The following DRC9 variants were observed in gnomAD, a reference collection of about 807,000 sequenced individuals.
The protein encoded by DRC9 is dynein regulatory complex protein 9.
the DRC9 span, chr3:197,953,888 TTC>T: frequency 1.0e-6 from 1 of 954,312 alleles, no homozygotes; most frequent in Non-Finnish European, 1.7e-6. Flanking sequence ...CATTTAAAGT[TTC>T]TCAGGTGATG....
chr3:197,938,548 C>T, the DRC9 span: 3 of 1,605,424 alleles, frequency 1.9e-6, no homozygotes, highest in Admixed American at 3.3e-5. Flanking sequence ...CCTTCCTTAC[C>T]TATCAATCTG....
At chr3:197,934,852 G>T in the DRC9 span, among the ~76,000 whole-genome samples, 1 of 149,204 alleles carries the variant, frequency 6.7e-6, no homozygotes. Flanking sequence ...GGTCATGGTG[G>T]CACGTGCCTG....
At chr3:197,920,861 CTGAG>C in the DRC9 span, among the ~76,000 whole-genome samples, 1 of 152,050 alleles carries the variant, frequency 6.6e-6, no homozygotes, top group Non-Finnish European at 1.5e-5. Flanking sequence ...TTTCTTTTTG[CTGAG>C]TATCTAAGGC....
At chr3:197,929,270 C>T in the DRC9 span, among the ~76,000 whole-genome samples, 1 of 152,210 alleles carries the variant, frequency 6.6e-6, no homozygotes, top group East Asian at 1.9e-4. The surrounding 1 kb of genome is among the most constrained non-coding windows in gnomAD (Gnocchi z 4.6). Flanking sequence ...TTCACTGCTC[C>T]TCACCCCTCC....
At chr3:197,922,298 A>T in the DRC9 span, among the ~76,000 whole-genome samples, 6 of 152,222 alleles carry the variant, frequency 3.9e-5, no homozygotes, top group African/African-American at 1.4e-4. Flanking sequence ...GCTGTTAGGA[A>T]AATTCTACCA....
At chr3:197,921,990 G>A in the DRC9 span, among the ~76,000 whole-genome samples, 2 of 138,046 alleles carry the variant, frequency 1.4e-5, no homozygotes, top group South Asian at 2.2e-4. Context: ...TAACTCTGGC[G>A]ATTTAACTTG....
chr3:197,924,720 A>C, the DRC9 span, among the ~76,000 whole-genome samples: 4 of 152,088 alleles, frequency 2.6e-5, no homozygotes, highest in African/African-American at 9.7e-5. Context: ...GGGTTTCAGC[A>C]TGTTGGCCAG....
chr3:197,945,718 TA>T, the DRC9 span: 34,313 of 838,778 alleles, frequency 0.041, 895 homozygotes, highest in African/African-American at 0.096. Context: ...GAGATTAGTT[TA>T]TGGGCGTCTT....
At chr3:197,951,182 C>T in the DRC9 span, 3 of 1,613,998 alleles carry the variant, frequency 1.9e-6, no homozygotes, top group African/African-American at 1.3e-5. Context: ...GCCATTTTTG[C>T]TGGCTATAAG....
the DRC9 span, among the ~76,000 whole-genome samples, chr3:197,896,006 T>C: frequency 7.6e-6 from 1 of 131,482 alleles, no homozygotes; most frequent in Non-Finnish European, 1.6e-5. Context: ...AAGTAATTAC[T>C]GCAACTGGGA....
At chr3:197,889,674 A>G in the DRC9 span, 16 of 1,613,984 alleles carry the variant, frequency 9.9e-6, no homozygotes, top group Non-Finnish European at 1.3e-5. Flanking sequence ...GAAACCACCA[A>G]TTTCTCTCCG....
the DRC9 span, among the ~76,000 whole-genome samples, chr3:197,946,665 T>C: frequency 3.3e-5 from 5 of 152,154 alleles, no homozygotes; most frequent in Admixed American, 6.6e-5. Context: ...GGTGCAAATA[T>C]GACTCTTGCA....
chr3:197,929,631 C>T, the DRC9 span, among the ~76,000 whole-genome samples: 12 of 152,026 alleles, frequency 7.9e-5, no homozygotes, highest in Non-Finnish European at 1.5e-4. The surrounding 1 kb of genome is among the most constrained non-coding windows in gnomAD (Gnocchi z 4.6). Flanking sequence ...AAAAAATTAG[C>T]TGGGCATAGT....
chr3:197,951,250 G>T, the DRC9 span: 1 of 1,614,122 alleles, frequency 6.2e-7, no homozygotes, highest in Non-Finnish European at 8.5e-7. Flanking sequence ...AGGTGTTTAC[G>T]CCCGAGATGA....
At chr3:197,930,750 A>AG in the DRC9 span, among the ~76,000 whole-genome samples, 33 of 150,092 alleles carry the variant, frequency 2.2e-4, no homozygotes, top group African/African-American at 6.9e-4. Flanking sequence ...AAAAAAAAAA[A>AG]AAAGAAAGAA....
At chr3:197,936,985 G>A in the DRC9 span, among the ~76,000 whole-genome samples, 1 of 152,212 alleles carries the variant, frequency 6.6e-6, no homozygotes, top group African/African-American at 2.4e-5. Context: ...TCTGTAAAGA[G>A]GCACGTAGTA....
the DRC9 span, among the ~76,000 whole-genome samples, chr3:197,920,228 A>G: frequency 1.5e-4 from 23 of 152,014 alleles, no homozygotes; most frequent in African/African-American, 5.3e-4. Context: ...ATAAAATAAA[A>G]TAAATTAACA....
chr3:197,892,607 G>A, the DRC9 span: 3 of 1,613,664 alleles, frequency 1.9e-6, no homozygotes, highest in African/African-American at 4.0e-5. Flanking sequence ...TCCTCAGTGA[G>A]CGCCCTAATT....
At chr3:197,944,074 A>G in the DRC9 span, 18 of 1,596,458 alleles carry the variant, frequency 1.1e-5, no homozygotes, top group Admixed American at 1.8e-5. Flanking sequence ...TAAAGAAAAA[A>G]TAAGTCAGCA....
Sources: gnomAD v4.1 joint callset for allele counts (sites outside exome capture counted in the v4.1 genomes callset) on GRCh38, gnomAD v4.1.1 for gene constraint, Gnocchi (gnomAD v3.1) non-coding constraint, MANE v1.5 for transcripts, NCBI Gene and HGNC (gene_info 2026-07-23, HGNC 2026-07-21) for gene names.